BCR: variants seen among roughly 807,000 people sequenced by gnomAD.
BCR encodes breakpoint cluster region protein.
In BCR, 58 loss-of-function variants were observed where a neutral mutation model predicts 138.6. The observed-to-expected ratio is 0.42, with a 90% CI of 0.34 to 0.52. BCR has a LOEUF of 0.52. Among genes scored for constraint, BCR ranks in the 20% least tolerant of loss-of-function variants. The pLI is 0.06. For synonymous variants in BCR, 786 were observed against 730.1 expected (o/e 1.08, Z -1.23); for missense variants, 1,599 against 1,727.2 (o/e 0.93, Z 1.32).
chr22:23,270,037 G>A (rs990761447), intron 5 of BCR, among the ~76,000 whole-genome samples: 3 of 152,024 alleles, frequency 2.0e-5, no homozygotes, highest in African/African-American at 7.3e-5. Context: ...GCACCATCAG[G>A]GCGACATGCA....
chr22:23,235,888 G>C (rs1447236578), intron 1 of BCR, among the ~76,000 whole-genome samples: 1 of 152,142 alleles, frequency 6.6e-6, no homozygotes, highest in African/African-American at 2.4e-5. Context: ...CCTTCATGAG[G>C]GTTCCGTCCT....
intron 1 of BCR, among the ~76,000 whole-genome samples, chr22:23,227,686 C>T (rs1225868751): frequency 1.3e-5 from 2 of 152,234 alleles, no homozygotes; most frequent in South Asian, 2.1e-4. Flanking sequence ...ACATCAGACC[C>T]TTTGCTGGTT....
intron 1 of BCR, chr22:23,216,947 G>A: frequency 2.6e-6 from 1 of 389,520 alleles, no homozygotes; most frequent in South Asian, 1.8e-5. Flanking sequence ...GGATTCTGTT[G>A]GTACAGTGTG....
chr22:23,293,785 A>G (rs2073815782), intron 15 of BCR, among the ~76,000 whole-genome samples: 1 of 152,042 alleles, frequency 6.6e-6, no homozygotes, highest in Non-Finnish European at 1.5e-5. Flanking sequence ...GGACACTCAC[A>G]TGTTCCTGGC....
At chr22:23,263,027 G>C in intron 4 of BCR, 2 of 788,050 alleles carry the variant, frequency 2.5e-6, no homozygotes, top group South Asian at 4.5e-5. Context: ...GAAAGTATGG[G>C]AAGGAGGAAT....
chr22:23,306,526 A>G (rs1204827983), intron 16 of BCR, among the ~76,000 whole-genome samples: 2 of 152,226 alleles, frequency 1.3e-5, no homozygotes, highest in Non-Finnish European at 2.9e-5. Context: ...GAAACTAGCC[A>G]CTTGAGAAGG....
chr22:23,198,484 G>T, intron 1 of BCR: 1 of 321,132 alleles, frequency 3.1e-6, no homozygotes. Context: ...GGCTTTGCAG[G>T]GGTCCAGTCC....
chr22:23,246,191 T>C (rs949203374), intron 1 of BCR, among the ~76,000 whole-genome samples: 2 of 152,094 alleles, frequency 1.3e-5, no homozygotes, highest in African/African-American at 4.8e-5. Context: ...TTGGGAGGCC[T>C]AGGCGAGAGG....
intron 1 of BCR, among the ~76,000 whole-genome samples, chr22:23,201,801 C>G (rs1602008734): frequency 6.6e-6 from 1 of 152,128 alleles, no homozygotes; most frequent in Non-Finnish European, 1.5e-5. Context: ...GACTCTAGCC[C>G]TCAGGGTTCA....
Position 23,287,235 on chromosome 22 carries a change from T to G in BCR, c.2483T>G (p.Met828Arg). The stretch of plus-strand genomic sequence containing the variant: ...GAGCAGGAGTCACTGCTGCTGCTTA[T>G]GTCTCCCAGCATGGCCTTCAGGGTG... ...LSEQESLLLL[M>R]SPSMAFRVHS... The change falls in exon 11 of 23, where the codon ATG becomes AGG. Residue 828 changes from methionine to arginine, a missense_variant. Around this residue, in one of 4 missense-constraint regions of BCR, gnomAD observed 590 missense variants for 762.4 expected, o/e 0.77. Coordinates refer to ENST00000305877, the MANE Select transcript of BCR (RefSeq NM_004327.4). 6.4e-7 allele frequency: 1 copy of G among 1,560,118 alleles called. No individual in the cohort carries two copies. The highest frequency in any genetic ancestry group is 8.7e-7 in the Non-Finnish European group (1 of 1,151,388).
chr22:23,202,019 T>C (rs1026896163), intron 1 of BCR, among the ~76,000 whole-genome samples: 3 of 152,230 alleles, frequency 2.0e-5, no homozygotes, highest in Admixed American at 6.5e-5. Context: ...CCGGCCTTAG[T>C]TAATGTGAAC....
In BCR at chr22:23,182,220, C is replaced by T. The variant is rs1293200013; in HGVS notation, c.1260C>T (p.Gly420=). 2.5e-6 allele frequency: 4 copies of T among 1,575,728 alleles called. No homozygotes were observed. Among genetic ancestry groups the T allele is most frequent in the East Asian group, 2.3e-5 (1 of 43,828 alleles). The change falls in exon 1 of 23, where the codon GGC becomes GGT. Residue 420 remains glycine (G), a synonymous_variant. Transcript: ENST00000305877. ...TGQIWPNDGE[G]AFHGDADGSF... ...AGATCTGGCCCAACGATGGCGAGGG[C>T]GCCTTCCATGGAGACGCAGGTGAGT...
intron 1 of BCR, among the ~76,000 whole-genome samples, chr22:23,228,577 A>G (rs1357661172): frequency 6.6e-6 from 1 of 152,164 alleles, no homozygotes; most frequent in Non-Finnish European, 1.5e-5. Context: ...GTTTTCCTTC[A>G]TCTGAGAAGG....
At chr22:23,216,090 AG>A (rs1476196673) in intron 1 of BCR, among the ~76,000 whole-genome samples, 1 of 152,148 alleles carries the variant, frequency 6.6e-6, no homozygotes, top group African/African-American at 2.4e-5. Context: ...TTTTATGGAT[AG>A]GTGCTCCGAG....
intron 1 of BCR, among the ~76,000 whole-genome samples, chr22:23,239,246 A>G (rs796417131): frequency 9.2e-5 from 14 of 152,282 alleles, no homozygotes; most frequent in African/African-American, 3.1e-4. Flanking sequence ...GTTGGCTGGC[A>G]GTGTTGTGCA....
At chr22:23,276,924 C>T (rs533276537) in intron 8 of BCR, among the ~76,000 whole-genome samples, 55 of 152,340 alleles carry the variant, frequency 3.6e-4, no homozygotes, top group African/African-American at 9.1e-4. Flanking sequence ...ATGCAGGGTC[C>T]GTGGCCCCTC....
intron 13 of BCR, chr22:23,289,839 G>GGAGAT: frequency 1.7e-6 from 1 of 581,546 alleles, no homozygotes; most frequent in Non-Finnish European, 3.1e-6. Context: ...GGGTGGTTGA[G>GGAGAT]GAGATGCACG....
At chr22:23,262,933 G>C in intron 4 of BCR, 1 of 1,107,852 alleles carries the variant, frequency 9.0e-7, no homozygotes. Flanking sequence ...GAAGCAGAGG[G>C]AGGCGGAAGC....
In BCR at chr22:23,254,380, A is replaced by G. The variant is rs2073269317; in HGVS notation, c.1461+400A>G. On this transcript the variant is annotated intron_variant, in intron 2 of 22. Transcript: ENST00000305877. ...GCGTGTGCTGAGGATGGCTCCATCCATGTGACCAGAGCCTTTCCTGTGAAT... is the reference window on the plus strand; with the variant it reads ...GCGTGTGCTGAGGATGGCTCCATCCGTGTGACCAGAGCCTTTCCTGTGAAT... Among the ~76,000 whole-genome samples, 9 of 152,282 alleles carry G rather than the reference A, an allele frequency of 5.9e-5. No individual in the cohort carries two copies. In the South Asian group the frequency reaches 1.9e-3, roughly 32 times the overall value.
Sources: gnomAD v4.1 joint callset for allele counts (sites outside exome capture counted in the v4.1 genomes callset) on GRCh38, gnomAD v4.1.1 for gene constraint, gnomAD v4.1.1 regional missense constraint, MANE v1.5 for transcripts, NCBI Gene and HGNC (gene_info 2026-07-23, HGNC 2026-07-21) for gene names.